The following CCR5AS variants were observed in gnomAD, a reference collection of about 807,000 sequenced individuals.
The protein encoded by CCR5AS is CCR5 antisense RNA.
chr3:46,367,851 C>T (rs1490066038), intron 3 of CCR5AS, among the ~76,000 whole-genome samples: 1 of 152,246 alleles, frequency 6.6e-6, no homozygotes, highest in African/African-American at 2.4e-5. Flanking sequence ...GGATTATAGG[C>T]ATGAGCCACC....
At chr3:46,399,027 G>T (rs920979519) in intron 1 of CCR5AS, among the ~76,000 whole-genome samples, 2 of 151,982 alleles carry the variant, frequency 1.3e-5, no homozygotes, top group Non-Finnish European at 2.9e-5. Context: ...ATTAGAGGAG[G>T]GAAGAGTCTG....
At chr3:46,376,384 A>G (rs1042525719) in intron 2 of CCR5AS, among the ~76,000 whole-genome samples, 4 of 152,140 alleles carry the variant, frequency 2.6e-5, no homozygotes, top group Non-Finnish European at 5.9e-5. Context: ...TTTAAAATTG[A>G]CCCTTTTCCT....
At chr3:46,403,614 G>T (rs1056111501) in intron 1 of CCR5AS, among the ~76,000 whole-genome samples, 1 of 152,212 alleles carries the variant, frequency 6.6e-6, no homozygotes, top group Non-Finnish European at 1.5e-5. Flanking sequence ...CTTGTTGGAG[G>T]GGGTGTGGCT....
chr3:46,385,546 A>G (rs34883716), intron 2 of CCR5AS, among the ~76,000 whole-genome samples: 10,325 of 152,152 alleles, frequency 0.068, 529 homozygotes, highest in South Asian at 0.2. Context: ...CATTTCCTGG[A>G]ACACTCATGT....
chr3:46,384,612 T>C (rs939513322), intron 2 of CCR5AS, among the ~76,000 whole-genome samples: 2 of 152,216 alleles, frequency 1.3e-5, no homozygotes, highest in Non-Finnish European at 2.9e-5. Flanking sequence ...GATAAGGCTC[T>C]GAGAGCCAGA....
chr3:46,374,031 G>A, intron 2 of CCR5AS: 1 of 1,188,336 alleles, frequency 8.4e-7, no homozygotes, highest in Non-Finnish European at 1.2e-6. Context: ...CACAGCCTGG[G>A]CTGGGGGTGG....
rs997305315 is a variant in CCR5AS, at chr3:46,384,819, TGATA to T, written n.391+8002_391+8005del. Among the ~76,000 whole-genome samples the T allele has an allele frequency of 4.6e-5, 7 of 151,906 alleles. No homozygotes were observed. In the East Asian group the frequency reaches 9.7e-4, roughly 21 times the overall value. Reference sequence around the variant, plus strand: ...AGTAGCACAGCTGACTTGAGATAGATGATAGATAGGTAGATAGATGGATAGGGTA... The same window carrying T: ...AGTAGCACAGCTGACTTGAGATAGATGATAGGTAGATAGATGGATAGGGTA... On this transcript the variant is annotated intron_variant and non_coding_transcript_variant, in intron 2 of 3. Transcript: ENST00000451485.
chr3:46,378,353 A>T (rs1281326757), intron 2 of CCR5AS, among the ~76,000 whole-genome samples: 1 of 152,196 alleles, frequency 6.6e-6, no homozygotes, highest in Non-Finnish European at 1.5e-5. Flanking sequence ...GCAATTTTAC[A>T]AGACTGACTT....
At position 46,405,347 on chromosome 3, in the gene CCR5AS, C is replaced by T. The variant is rs140661249; in HGVS notation, n.163+1550G>A. Among the ~76,000 whole-genome samples, 356 of 152,336 alleles carry T rather than the reference C, an allele frequency of 2.3e-3. 2 individuals are homozygous for T. The highest frequency in any genetic ancestry group is 8.1e-3 in the African/African-American group (336 of 41,560). ...TTGGGAAATTTCACATCTCACATGA[C>T]TCTGTGACATGCGGTACATGAGGTG... On this transcript the variant is annotated intron_variant and non_coding_transcript_variant, in intron 1 of 3. Coordinates refer to ENST00000451485, the Ensembl canonical transcript of CCR5AS.
At chr3:46,394,312 C>T (rs944714779) in intron 1 of CCR5AS, among the ~76,000 whole-genome samples, 1 of 152,140 alleles carries the variant, frequency 6.6e-6, no homozygotes, top group South Asian at 2.1e-4. Flanking sequence ...CTTACTGTAT[C>T]CTCATCAAGG....
chr3:46,371,826 T>C (rs1425366422), intron 2 of CCR5AS, among the ~76,000 whole-genome samples: 1 of 152,252 alleles, frequency 6.6e-6, no homozygotes, highest in African/African-American at 2.4e-5. Context: ...AATTGGCTGT[T>C]GTCATCTATG....
At chr3:46,373,262 C>T (rs200108729) in intron 2 of CCR5AS, 1 of 1,614,106 alleles carries the variant, frequency 6.2e-7, no homozygotes, top group Non-Finnish European at 8.5e-7. Context: ...TCTTCATCAT[C>T]CTCCTGACAA....
chr3:46,377,532 T>C (rs865812769), intron 2 of CCR5AS, among the ~76,000 whole-genome samples: 1 of 152,214 alleles, frequency 6.6e-6, no homozygotes, highest in Admixed American at 6.5e-5. Context: ...GCAATGGCAT[T>C]TCAACTGTTA....
intron 2 of CCR5AS, among the ~76,000 whole-genome samples, chr3:46,384,076 G>C (rs915104650): frequency 1.3e-5 from 2 of 152,184 alleles, no homozygotes; most frequent in African/African-American, 4.8e-5. Flanking sequence ...GCAAAAGAAA[G>C]AGAAAAAAGA....
intron 1 of CCR5AS, among the ~76,000 whole-genome samples, chr3:46,399,037 G>C (rs1284785925): frequency 6.6e-6 from 1 of 151,570 alleles, no homozygotes. Flanking sequence ...GGAAGAGTCT[G>C]CTATCCTGCT....
chr3:46,392,415 G>A (rs1053980050), intron 2 of CCR5AS, among the ~76,000 whole-genome samples: 2 of 152,206 alleles, frequency 1.3e-5, no homozygotes, highest in Non-Finnish European at 2.9e-5. Context: ...ATGAAGCGTG[G>A]AAGGTTGCCC....
chr3:46,370,757 C>G (rs201495177), intron 3 of CCR5AS: 1 of 152,106 alleles, frequency 6.6e-6, no homozygotes, highest in Admixed American at 6.6e-5. Context: ...GAGAAAAGCC[C>G]GTAAATAAAC....
intron 2 of CCR5AS, among the ~76,000 whole-genome samples, chr3:46,382,117 C>G (rs1015423198): frequency 6.6e-6 from 1 of 152,178 alleles, no homozygotes; most frequent in African/African-American, 2.4e-5. Context: ...GGCAGCTGTG[C>G]CAATAGGAAA....
chr3:46,386,940 T>C (rs1302928330), intron 2 of CCR5AS, among the ~76,000 whole-genome samples: 2 of 152,162 alleles, frequency 1.3e-5, no homozygotes, highest in African/African-American at 2.4e-5. Flanking sequence ...ATGTTTGTAA[T>C]TGTTAAAACT....
Sources: gnomAD v4.1 joint callset for allele counts (sites outside exome capture counted in the v4.1 genomes callset) on GRCh38, gnomAD v4.1.1 for gene constraint, MANE v1.5 for transcripts, NCBI Gene and HGNC (gene_info 2026-07-23, HGNC 2026-07-21) for gene names.